The following JMJD1C variants were observed in gnomAD, a reference collection of about 807,000 sequenced individuals.
The protein encoded by JMJD1C is jumonji domain-containing protein 1C.
A neutral mutation model predicts 245.3 loss-of-function variants in JMJD1C; 31 were observed. The ratio of observed to expected loss-of-function variants is 0.13; its 90% CI spans 0.09 to 0.17. The LOEUF (loss-of-function observed/expected upper bound fraction) is 0.17, where lower values mean the gene tolerates loss of function less well. Among genes scored for constraint, JMJD1C ranks in the 10% least tolerant of loss-of-function variants. JMJD1C has a pLI of 1.00. For synonymous variants in JMJD1C, 1,057 were observed against 1,017.4 expected, an observed-to-expected ratio of 1.04 and a Z score of -0.74; for missense variants, 2,691 against 3,000.2, an observed-to-expected ratio of 0.90 and a Z score of 2.41.
chr10:63,260,598 A>AT lies in JMJD1C; in HGVS notation c.447+4052dup, dbSNP rs201996817. Among the ~76,000 whole-genome samples the AT allele has an allele frequency of 4.2e-3, 631 of 150,674 alleles. 1 individual carries two copies. The highest frequency in any genetic ancestry group is 0.011 in the African/African-American group (453 of 41,068). The stretch of plus-strand genomic sequence containing the variant: ...TTATAGTAACAACAAAAAAAAAACT[A>AT]TTTTTTTTTGAGATGTAGTCACGCT... On this transcript the variant is annotated intron_variant, in intron 3 of 25. Transcript: ENST00000399262.
In JMJD1C at chr10:63,205,837, T is replaced by C. The variant is rs569340370; in HGVS notation, c.5074+758A>G. ...ATACATTCCATCATTTTTTGTTTAT[T>C]TTTTGAGACATGGTCTTGCTCTGTT... On this transcript the variant is annotated intron_variant, in intron 10 of 25. Coordinates refer to ENST00000399262, the MANE Select transcript of JMJD1C (RefSeq NM_032776.3). Among the ~76,000 whole-genome samples, 365 of 152,298 alleles carry C rather than the reference T, an allele frequency of 2.4e-3. 3 individuals are homozygous for C. In the South Asian group the frequency reaches 0.029, roughly 12 times the overall value.
intron 2 of JMJD1C, among the ~76,000 whole-genome samples, chr10:63,310,048 T>A (rs906542157): frequency 6.6e-6 from 1 of 152,174 alleles, no homozygotes; most frequent in African/African-American, 2.4e-5. Context: ...AAATGCAGAT[T>A]TTACTCATAA....
chr10:63,516,369 G>A (rs1263683783), intron 1 of JMJD1C, among the ~76,000 whole-genome samples: 2 of 151,980 alleles, frequency 1.3e-5, no homozygotes, highest in South Asian at 2.1e-4. Context: ...TATCACTCAA[G>A]ACATCAACAG....
intron 1 of JMJD1C, among the ~76,000 whole-genome samples, chr10:63,486,329 A>G (rs578025593): frequency 2.6e-5 from 4 of 151,992 alleles, no homozygotes; most frequent in African/African-American, 9.7e-5. Flanking sequence ...CTGAAGGTGG[A>G]TATGTTAGCA....
chr10:63,268,792 C>G (rs1855941387), intron 2 of JMJD1C: 1 of 985,660 alleles, frequency 1.0e-6, no homozygotes, highest in East Asian at 1.1e-4. Context: ...CTTCTTTAGT[C>G]TTCAAAAATC....
At chr10:63,293,619 T>C (rs1323633648) in intron 2 of JMJD1C, among the ~76,000 whole-genome samples, 1 of 152,222 alleles carries the variant, frequency 6.6e-6, no homozygotes, top group East Asian at 1.9e-4. Context: ...AGCTGTCTAA[T>C]TCTGCATTCC....
chr10:63,203,743 A>G lies in JMJD1C; in HGVS notation c.5074+2852T>C, dbSNP rs987526043. On this transcript the variant is annotated intron_variant, in intron 10 of 25. Transcript: ENST00000399262. ...AGATAAGACAAAATCTATTATATCT[A>G]GCTTTAATGTACTAAGAAACACACT... 10 of 976,462 alleles carry G rather than the reference A, an allele frequency of 1.0e-5. No homozygotes were observed. The African/African-American group carries it at 1.8e-4, about 17-fold the overall frequency. The allele number at this position is 976,462 out of a possible 1,614,324, so 60.5% of individuals were successfully genotyped here.
At chr10:63,221,518 A>G (rs963324330) in intron 3 of JMJD1C, among the ~76,000 whole-genome samples, 11 of 152,220 alleles carry the variant, frequency 7.2e-5, no homozygotes, top group Admixed American at 6.5e-4. Flanking sequence ...TCATACAAAT[A>G]AGTAGGCAAA....
chr10:63,304,484 T>C (rs7100372), intron 2 of JMJD1C, among the ~76,000 whole-genome samples: 130,784 of 152,152 alleles, frequency 0.86, 56,907 homozygotes, highest in African/African-American at 0.96. Context: ...GAAAAGGACT[T>C]AAAAAGAAAT....
upstream of JMJD1C, chr10:63,466,080 G>A (rs887053727): frequency 2.9e-5 from 6 of 204,988 alleles, no homozygotes; most frequent in Non-Finnish European, 5.9e-5. Flanking sequence ...CACCGCAGAC[G>A]GAAAGTAGTG....
chr10:63,464,989 T>C (rs769201892), intron 1 of JMJD1C, among the ~76,000 whole-genome samples: 1 of 152,200 alleles, frequency 6.6e-6, no homozygotes, highest in Non-Finnish European at 1.5e-5. Flanking sequence ...ATCCCCGGAC[T>C]GTGTGGGAAG....
intron 1 of JMJD1C, among the ~76,000 whole-genome samples, chr10:63,393,868 T>A (rs911832440): frequency 6.6e-6 from 1 of 152,160 alleles, no homozygotes; most frequent in Non-Finnish European, 1.5e-5. Flanking sequence ...ATTACCTGGT[T>A]TGAAGACTGC....
intron 1 of JMJD1C, among the ~76,000 whole-genome samples, chr10:63,459,889 A>C (rs1445058538): frequency 6.6e-6 from 1 of 152,242 alleles, no homozygotes; most frequent in Non-Finnish European, 1.5e-5. Flanking sequence ...TGTAGGATTC[A>C]GAAAAAGTTT....
At chr10:63,501,817 C>T (rs1325746270) in intron 1 of JMJD1C, among the ~76,000 whole-genome samples, 2 of 152,088 alleles carry the variant, frequency 1.3e-5, no homozygotes, top group African/African-American at 2.4e-5. Flanking sequence ...AATACTACTA[C>T]TATTTCTGCC....
chr10:63,494,035 G>A (rs1954267032), intron 1 of JMJD1C, among the ~76,000 whole-genome samples: 1 of 152,170 alleles, frequency 6.6e-6, no homozygotes, highest in Non-Finnish European at 1.5e-5. Context: ...GGAAAGTTGG[G>A]CCTGGTGGCT....
At chr10:63,204,825 T>C (rs1846408377) in intron 10 of JMJD1C, 2 of 985,330 alleles carry the variant, frequency 2.0e-6, no homozygotes, top group Non-Finnish European at 2.4e-6. Flanking sequence ...ATCCTCCTGT[T>C]TTCCTCTCCT....
chr10:63,353,636 C>T (rs1257732403), intron 2 of JMJD1C, among the ~76,000 whole-genome samples: 1 of 151,768 alleles, frequency 6.6e-6, no homozygotes, highest in Non-Finnish European at 1.5e-5. Context: ...CTGCCTCAGC[C>T]TCCGGAGTAG....
intron 2 of JMJD1C, among the ~76,000 whole-genome samples, chr10:63,336,608 TAGTTA>T (rs1384934900): frequency 1.3e-5 from 2 of 151,946 alleles, no homozygotes; most frequent in Admixed American, 6.6e-5. Context: ...AAGAATGAGA[TAGTTA>T]ATCTAAAAAA....
chr10:63,463,602 G>A (rs1163337022), intron 1 of JMJD1C, among the ~76,000 whole-genome samples: 2 of 152,140 alleles, frequency 1.3e-5, no homozygotes, highest in East Asian at 3.9e-4. Flanking sequence ...AATCTAAAAT[G>A]GTAGATTCTA....
Sources: gnomAD v4.1 joint callset for allele counts (sites outside exome capture counted in the v4.1 genomes callset) on GRCh38, gnomAD v4.1.1 for gene constraint, MANE v1.5 for transcripts, NCBI Gene and HGNC (gene_info 2026-07-23, HGNC 2026-07-21) for gene names.